Variants in LIMCH1 observed in about 807,000 individuals in gnomAD.
LIMCH1 encodes LIM and calponin homology domains-containing protein 1.
A neutral mutation model predicts 176.5 loss-of-function variants in LIMCH1; 113 were observed. The ratio of observed to expected loss-of-function variants is 0.64; its 90% CI spans 0.55 to 0.75. The LOEUF is 0.75. Ranked by LOEUF, LIMCH1 falls within the 30% of genes least tolerant of loss-of-function variation. The pLI, the probability that LIMCH1 is intolerant of heterozygous loss-of-function variation, is 0.00. For missense variants in LIMCH1, 1,674 were observed against 1,814.9 expected, an observed-to-expected ratio of 0.92 and a Z score of 1.41; for synonymous variants, 619 against 645.9, an observed-to-expected ratio of 0.96 and a Z score of 0.63.
At chr4:41,385,625 C>G (rs2056389099) in intron 1 of LIMCH1, among the ~76,000 whole-genome samples, 1 of 151,996 alleles carries the variant, frequency 6.6e-6, no homozygotes, top group Admixed American at 6.6e-5. Context: ...AGTAGAATGC[C>G]CTTATTTTGT....
At chr4:41,469,839 G>A (rs1324711731) in intron 1 of LIMCH1, among the ~76,000 whole-genome samples, 1 of 151,898 alleles carries the variant, frequency 6.6e-6, no homozygotes, top group Admixed American at 6.6e-5. Flanking sequence ...CTGCCACCAG[G>A]CTCAGCTAAT....
upstream of LIMCH1, among the ~76,000 whole-genome samples, chr4:41,537,170 T>C (rs1399994083): frequency 3.3e-5 from 5 of 152,238 alleles, no homozygotes; most frequent in Non-Finnish European, 7.3e-5. Context: ...TGTATTTGTG[T>C]CAATAAATGG....
At position 41,692,694 on chromosome 4, in the gene LIMCH1, T is replaced by C. The variant is rs140556190; in HGVS notation, c.4378+310T>C. On this transcript the variant is annotated intron_variant, in intron 31 of 31. Coordinates refer to ENST00000503057, the MANE Select transcript of LIMCH1 (RefSeq NM_001330672.2). ...GAGATATAAGGTCTGTCAAACACTG[T>C]CACTTGTTCAGGCATGTCTTTAGAC... is the stretch of plus-strand genomic sequence containing the variant. The C allele has an allele frequency of 3.2e-3, 762 of 238,488 alleles. 6 individuals carry two copies. The highest frequency in any genetic ancestry group is 2.9e-3 in the East Asian group (27 of 9,348). 14.8% of individuals were successfully genotyped at this position (238,488 alleles called of 1,614,324 possible).
Position 41,629,601 on chromosome 4 carries a change from G to C in LIMCH1, c.1138G>C (p.Asp380His). 2.0e-6 allele frequency: 3 copies of C among 1,536,078 alleles called. No homozygotes were observed. Among genetic ancestry groups the C allele is most frequent in the East Asian group, 4.9e-5 (2 of 40,912 alleles). ...CAGGAAGGTGCCAGATCTTCACAAG[G>C]ATGACCTGGCCCAGCAGAGAATTCA... is the stretch of plus-strand genomic sequence containing the variant. Reference protein sequence around the residue: ...GLRKVPDLHKDDLAQQRIQGS... With the variant: ...GLRKVPDLHKHDLAQQRIQGS... Residue 380 changes from aspartate (D) to histidine (H), a missense_variant, in exon 9 of 32, where the codon GAT becomes CAT. Physicochemically the swap from Asp to His is moderately conservative, Grantham distance 81. Around this residue, in one of 3 missense-constraint regions of LIMCH1, gnomAD observed 655 missense variants for 692.2 expected, o/e 0.95. Coordinates refer to ENST00000503057, the MANE Select transcript of LIMCH1 (RefSeq NM_001330672.2).
intron 1 of LIMCH1, among the ~76,000 whole-genome samples, chr4:41,405,651 G>A (rs6447066): frequency 0.85 from 128,971 of 152,054 alleles, 55,752 homozygotes; most frequent in East Asian, 0.99. Context: ...AGTAACTTGT[G>A]CATAGTAGCT....
intron 1 of LIMCH1, among the ~76,000 whole-genome samples, chr4:41,487,281 T>C (rs1162677252): frequency 6.6e-6 from 1 of 152,144 alleles, no homozygotes; most frequent in African/African-American, 2.4e-5. Flanking sequence ...TTGATCCTCC[T>C]AACAAAGATC....
intron 23 of LIMCH1, among the ~76,000 whole-genome samples, chr4:41,679,690 A>T (rs1714064560): frequency 6.6e-6 from 1 of 152,186 alleles, no homozygotes; most frequent in Admixed American, 6.5e-5. Flanking sequence ...AATAAAACCA[A>T]ACTATTGGTT....
At chr4:41,411,935 C>G (rs534905727) in intron 1 of LIMCH1, among the ~76,000 whole-genome samples, 1 of 111,366 alleles carries the variant, frequency 9.0e-6, no homozygotes, top group Admixed American at 1.4e-4. Flanking sequence ...ACAGCCTAGG[C>G]GACAGAGCGA....
chr4:41,622,293 TA>T (rs1318121592), intron 7 of LIMCH1, among the ~76,000 whole-genome samples: 1 of 152,162 alleles, frequency 6.6e-6, no homozygotes, highest in Non-Finnish European at 1.5e-5. Context: ...GTGAGGGGAA[TA>T]CTATCTCCTC....
intron 1 of LIMCH1, among the ~76,000 whole-genome samples, chr4:41,482,633 T>C (rs2068839906): frequency 6.6e-6 from 1 of 152,044 alleles, no homozygotes; most frequent in Non-Finnish European, 1.5e-5. Context: ...GTGGCCTTAT[T>C]TAAGATCAGG....
rs1391416034 is a variant in LIMCH1, at chr4:41,676,387, G to A, written c.3444G>A (p.Lys1148=). 6.2e-7 allele frequency: 1 copy of A among 1,613,418 alleles called. No homozygotes were observed. Residue 1148 remains lysine, a synonymous_variant, in exon 23 of 32, where the codon AAG becomes AAA. Transcript: ENST00000503057. ...GGTTTCATTTTTCTAAGCAGTTTAA[G>A]TTCTGGGCATGGGACCCAGAAGAGG... The part of the protein sequence containing the change: ...SEKSPVMTPF[K]FWAWDPEEER...
In LIMCH1 at chr4:41,603,877, G is replaced by C. The variant is rs745469963; in HGVS notation, c.-131G>C. 1 of 1,605,002 alleles carries C rather than the reference G, an allele frequency of 6.2e-7. No individual in the cohort carries two copies. Among genetic ancestry groups the C allele is most frequent in the Non-Finnish European group, 8.5e-7 (1 of 1,172,888 alleles). On this transcript the variant is annotated splice_region_variant and 5_prime_UTR_variant, in exon 3 of 32. Transcript: ENST00000503057. ...TTCTTTTCCCTTTCCTTGACTAGGA[G>C]CCTTGATTATAGTAGGAAGCTGAAA... is the stretch of plus-strand genomic sequence containing the variant.
intron 1 of LIMCH1, among the ~76,000 whole-genome samples, chr4:41,429,228 C>G (rs1279197252): frequency 2.0e-5 from 3 of 152,142 alleles, no homozygotes; most frequent in African/African-American, 7.2e-5. Flanking sequence ...GCTTTATTCT[C>G]ATTTTTTCCC....
At chr4:41,531,060 C>T (rs1166296288) in intron 3 of LIMCH1, among the ~76,000 whole-genome samples, 4 of 151,950 alleles carry the variant, frequency 2.6e-5, no homozygotes, top group African/African-American at 9.7e-5. Context: ...AGAGTTGGTA[C>T]TTGAACCTGG....
chr4:41,609,113 C>T (rs1178183817), intron 4 of LIMCH1, among the ~76,000 whole-genome samples: 1 of 152,100 alleles, frequency 6.6e-6, no homozygotes. Flanking sequence ...CAGGCTACTC[C>T]TGTTTCAGGG....
At chr4:41,571,132 G>A (rs2083484706) in intron 1 of LIMCH1, among the ~76,000 whole-genome samples, 1 of 152,116 alleles carries the variant, frequency 6.6e-6, no homozygotes, top group Non-Finnish European at 1.5e-5. Context: ...GGAGAGCTGA[G>A]AAAGAAGAGG....
chr4:41,442,429 A>T (rs1275285502), intron 1 of LIMCH1, among the ~76,000 whole-genome samples: 1 of 152,274 alleles, frequency 6.6e-6, no homozygotes, highest in Non-Finnish European at 1.5e-5. Flanking sequence ...ATTCTTGCCC[A>T]CTTTTGTATA....
chr4:41,428,416 AAT>A (rs971273596), intron 1 of LIMCH1, among the ~76,000 whole-genome samples: 9 of 152,298 alleles, frequency 5.9e-5, no homozygotes, highest in African/African-American at 1.9e-4. Flanking sequence ...ATGAAAAGGA[AAT>A]AGAGATGAGA....
At chr4:41,543,020 C>G (rs1284919807) in intron 1 of LIMCH1, among the ~76,000 whole-genome samples, 3 of 152,186 alleles carry the variant, frequency 2.0e-5, no homozygotes, top group African/African-American at 7.2e-5. Flanking sequence ...TTGTTTTCAT[C>G]AGCATGTTTT....
Sources: allele counts gnomAD v4.1 joint callset (sites outside exome capture counted in the v4.1 genomes callset), GRCh38; gene constraint gnomAD v4.1.1; regional missense constraint gnomAD v4.1.1; transcripts MANE v1.5; gene names NCBI Gene and HGNC (gene_info 2026-07-23, HGNC 2026-07-21).